Variants in CNTLN observed in about 807,000 individuals in gnomAD.
CNTLN encodes the protein centlein.
CNTLN carries 212 observed loss-of-function variants against 180.0 expected under a neutral mutation model. The observed-to-expected ratio is 1.18, with a 90% CI of 1.05 to 1.32. CNTLN has a LOEUF of 1.32. CNTLN is among the 40% of genes most tolerant of loss of function. CNTLN has a pLI of 0.00. For synonymous variants in CNTLN, 722 were observed against 563.1 expected (o/e 1.28, Z -3.99); for missense variants, 2,095 against 1,610.9 (o/e 1.30, Z -5.14).
intron 5 of CNTLN, among the ~76,000 whole-genome samples, chr9:17,265,051 G>T (rs1228342802): frequency 7.0e-6 from 1 of 143,606 alleles, no homozygotes; most frequent in Non-Finnish European, 1.5e-5. Flanking sequence ...CTGCCTAATT[G>T]CCCTGGCCAG....
chr9:17,513,102 G>C, the CNTLN span, among the ~76,000 whole-genome samples: 137,522 of 152,028 alleles, frequency 0.9, 63,261 homozygotes, highest in Non-Finnish European at 0.98. Flanking sequence ...TACAGGCCAC[G>C]GTGCCCGGCC....
At position 17,416,036 on chromosome 9, in the gene CNTLN, G is replaced by A; in HGVS notation, c.2961G>A (p.Arg987=). 3.1e-6 allele frequency: 5 copies of A among 1,613,552 alleles called. No homozygotes were observed. Among genetic ancestry groups the A allele is most frequent in the Non-Finnish European group, 4.2e-6 (5 of 1,179,740 alleles). Residue 987 remains arginine, a synonymous_variant, in exon 18 of 26, where the codon CGG becomes CGA. Coordinates refer to ENST00000380647, the MANE Select transcript of CNTLN (RefSeq NM_017738.4). The part of the protein sequence containing the change: ...SSSNIILLRE[R]IISLQQQNSV... ...GCAATATTATTTTATTACGAGAACGGATTATATCCTTGCAACAACAAAACA... is the reference window on the plus strand; with the variant it reads ...GCAATATTATTTTATTACGAGAACGAATTATATCCTTGCAACAACAAAACA...
At chr9:17,171,647 G>T (rs1820427010) in intron 2 of CNTLN, among the ~76,000 whole-genome samples, 1 of 152,054 alleles carries the variant, frequency 6.6e-6, no homozygotes, top group Admixed American at 6.6e-5. Flanking sequence ...CCATGGAGCT[G>T]ATGTTTGGAG....
intron 5 of CNTLN, among the ~76,000 whole-genome samples, chr9:17,243,883 C>T (rs923773237): frequency 6.6e-6 from 1 of 152,082 alleles, no homozygotes; most frequent in East Asian, 1.9e-4. Context: ...TCTGGATTAC[C>T]TATCCAATGC....
At chr9:17,333,249 C>T (rs1051622012) in intron 10 of CNTLN, among the ~76,000 whole-genome samples, 2 of 152,052 alleles carry the variant, frequency 1.3e-5, no homozygotes, top group African/African-American at 2.4e-5. Flanking sequence ...GTTTAAGAAA[C>T]ATGTATGTTA....
intron 19 of CNTLN, among the ~76,000 whole-genome samples, chr9:17,462,244 A>G (rs1358697176): frequency 6.6e-6 from 1 of 151,720 alleles, no homozygotes; most frequent in Non-Finnish European, 1.5e-5. Flanking sequence ...CCTAGTTGGA[A>G]GATACAAAAT....
chr9:17,313,478 A>C (rs1277711232), intron 8 of CNTLN, among the ~76,000 whole-genome samples: 1 of 151,974 alleles, frequency 6.6e-6, no homozygotes, highest in East Asian at 1.9e-4. Context: ...TCTGATGGTA[A>C]TTCAGTGGAA....
At chr9:17,426,575 A>G (rs1222269796) in intron 18 of CNTLN, among the ~76,000 whole-genome samples, 1 of 151,650 alleles carries the variant, frequency 6.6e-6, no homozygotes, top group Admixed American at 6.6e-5. Context: ...TATATGTAAT[A>G]ATTTTATTTG....
downstream of CNTLN, among the ~76,000 whole-genome samples, chr9:17,506,228 C>G (rs929977762): frequency 6.6e-6 from 1 of 151,994 alleles, no homozygotes; most frequent in African/African-American, 2.4e-5. Context: ...GAATTTCTAG[C>G]CATGACACCA....
chr9:17,452,253 A>G (rs926861684), intron 18 of CNTLN, among the ~76,000 whole-genome samples: 1 of 152,094 alleles, frequency 6.6e-6, no homozygotes, highest in Non-Finnish European at 1.5e-5. Flanking sequence ...CTGGTAGTTC[A>G]TTCCTAAACA....
intron 25 of CNTLN, among the ~76,000 whole-genome samples, chr9:17,494,643 A>G (rs1833348825): frequency 6.6e-6 from 1 of 152,034 alleles, no homozygotes; most frequent in Non-Finnish European, 1.5e-5. Context: ...CTGTTCCTGC[A>G]TTAGTTTGCT....
intron 6 of CNTLN, among the ~76,000 whole-genome samples, chr9:17,284,162 C>T (rs1169318818): frequency 6.6e-6 from 1 of 152,164 alleles, no homozygotes; most frequent in Non-Finnish European, 1.5e-5. Flanking sequence ...GCTGGGATTA[C>T]AGGCGCTTCC....
intron 18 of CNTLN, chr9:17,447,364 GA>G: frequency 5.1e-6 from 1 of 195,612 alleles, no homozygotes. Context: ...CCTGTGTTGA[GA>G]AAAAAGTGTT....
intron 15 of CNTLN, among the ~76,000 whole-genome samples, chr9:17,406,455 C>A (rs1194846372): frequency 6.6e-6 from 1 of 151,690 alleles, no homozygotes; most frequent in Non-Finnish European, 1.5e-5. Flanking sequence ...TGTCTTCTGC[C>A]TGGAATGTAT....
intron 1 of CNTLN, among the ~76,000 whole-genome samples, chr9:17,140,741 A>C (rs905663604): frequency 7.2e-5 from 11 of 152,156 alleles, no homozygotes; most frequent in African/African-American, 2.7e-4. Flanking sequence ...GCTCGCCCTA[A>C]TGGTTATGTT....
intron 8 of CNTLN, among the ~76,000 whole-genome samples, chr9:17,318,868 CCATCCATCCATT>C (rs958629915): frequency 1.3e-5 from 1 of 74,128 alleles, no homozygotes; most frequent in Non-Finnish European, 3.1e-5. Context: ...ATCCATCCAT[CCATCCATCCATT>C]AAACCTTCAT....
At chr9:17,499,736 T>G (rs1833646010) in intron 25 of CNTLN, among the ~76,000 whole-genome samples, 1 of 152,174 alleles carries the variant, frequency 6.6e-6, no homozygotes. Context: ...TTTGTTTCAA[T>G]TATTAACTAT....
chr9:17,296,820 G>A (rs1817977527), intron 6 of CNTLN, among the ~76,000 whole-genome samples: 1 of 152,144 alleles, frequency 6.6e-6, no homozygotes, highest in South Asian at 2.1e-4. Flanking sequence ...GGATGCAGGG[G>A]TTGTGGTTGT....
chr9:17,495,538 G>C (rs1833407408), intron 25 of CNTLN, among the ~76,000 whole-genome samples: 1 of 152,152 alleles, frequency 6.6e-6, no homozygotes. Flanking sequence ...TGTACAGTAT[G>C]TTTATGTTTT....
Sources: allele counts gnomAD v4.1 joint callset (sites outside exome capture counted in the v4.1 genomes callset), GRCh38; gene constraint gnomAD v4.1.1; transcripts MANE v1.5; gene names NCBI Gene and HGNC (gene_info 2026-07-23, HGNC 2026-07-21).